The following EPHB1 variants were observed in gnomAD, a reference collection of about 807,000 sequenced individuals.
EPHB1 encodes the protein EPH receptor B1.
Under a neutral mutation model 94.4 loss-of-function variants are expected in EPHB1, and 30 were observed. The ratio of observed to expected loss-of-function variants is 0.32; its 90% CI spans 0.24 to 0.43. The LOEUF (loss-of-function observed/expected upper bound fraction) is 0.43. Ranked by LOEUF, EPHB1 falls within the 20% of genes least tolerant of loss-of-function variation. EPHB1 has a pLI of 1.00. For missense variants in EPHB1, 1,055 were observed against 1,308.3 expected (o/e 0.81, Z 2.99); for synonymous variants, 522 against 489.1 (o/e 1.07, Z -0.89).
chr3:134,851,364 C>T (rs770754235), intron 1 of EPHB1, among the ~76,000 whole-genome samples: 1 of 152,118 alleles, frequency 6.6e-6, no homozygotes, highest in Non-Finnish European at 1.5e-5. Context: ...CCCTTTGACC[C>T]GGATCCCCAT....
At chr3:135,237,938 G>A (rs1943694380) in intron 12 of EPHB1, among the ~76,000 whole-genome samples, 1 of 152,166 alleles carries the variant, frequency 6.6e-6, no homozygotes, top group African/African-American at 2.4e-5. Context: ...TGCTGCAGCA[G>A]GGTTCCACTT....
At chr3:135,229,132 C>T (rs1410975453) in intron 12 of EPHB1, among the ~76,000 whole-genome samples, 1 of 152,210 alleles carries the variant, frequency 6.6e-6, no homozygotes, top group Non-Finnish European at 1.5e-5. Context: ...GGCCATCCCT[C>T]ACCACCACCA....
chr3:134,869,674 T>A (rs2037457970), intron 1 of EPHB1, among the ~76,000 whole-genome samples: 1 of 152,182 alleles, frequency 6.6e-6, no homozygotes, highest in Non-Finnish European at 1.5e-5. Flanking sequence ...GAGTGCAAAC[T>A]CTACTAGATT....
intron 12 of EPHB1, among the ~76,000 whole-genome samples, chr3:135,240,591 C>T (rs1559887267): frequency 6.6e-6 from 1 of 152,182 alleles, no homozygotes; most frequent in Non-Finnish European, 1.5e-5. Context: ...TCAGGGCTAT[C>T]TGCATGCTAC....
intron 7 of EPHB1, among the ~76,000 whole-genome samples, chr3:135,162,719 C>T (rs1453245259): frequency 6.6e-6 from 1 of 152,180 alleles, no homozygotes; most frequent in Non-Finnish European, 1.5e-5. Flanking sequence ...AAGGTGTCCT[C>T]AAGGCCAGAA....
chr3:135,055,185 A>G (rs1199967004), intron 3 of EPHB1, among the ~76,000 whole-genome samples: 3 of 152,326 alleles, frequency 2.0e-5, no homozygotes, highest in Non-Finnish European at 1.5e-5. Flanking sequence ...GTATAATATC[A>G]TTTGCTAAAC....
chr3:135,040,417 T>G (rs1936795414), intron 3 of EPHB1, among the ~76,000 whole-genome samples: 1 of 152,220 alleles, frequency 6.6e-6, no homozygotes, highest in Admixed American at 6.5e-5. Context: ...CAGAGCAGCC[T>G]GGCTTGTCCT....
At chr3:134,978,035 A>T in intron 3 of EPHB1, 1 of 455,100 alleles carries the variant, frequency 2.2e-6, no homozygotes, top group Non-Finnish European at 4.4e-6. Flanking sequence ...TTTCTGCCAC[A>T]CTCACACAGC....
At chr3:135,169,717 T>C (rs1941750059) in intron 9 of EPHB1, among the ~76,000 whole-genome samples, 1 of 152,150 alleles carries the variant, frequency 6.6e-6, no homozygotes, top group Non-Finnish European at 1.5e-5. Flanking sequence ...ATTGGGAGTT[T>C]TATTCTGGCA....
chr3:135,159,861 T>G (rs1221989118), intron 6 of EPHB1, among the ~76,000 whole-genome samples: 1 of 152,272 alleles, frequency 6.6e-6, no homozygotes, highest in Non-Finnish European at 1.5e-5. Context: ...ACTTCAGATA[T>G]GCCAATTACT....
At chr3:134,859,571 G>T (rs1252383696) in intron 1 of EPHB1, among the ~76,000 whole-genome samples, 1 of 152,096 alleles carries the variant, frequency 6.6e-6, no homozygotes, top group Non-Finnish European at 1.5e-5. Context: ...TGAGCCTTCT[G>T]CTGGAACCTA....
In EPHB1 at chr3:135,201,655, A is replaced by T. The variant is rs1190542857; in HGVS notation, c.2312A>T (p.Asp771Val). The change falls in exon 12 of 16, where the codon GAT becomes GTT. Residue 771 changes from aspartate (D) to valine (V), a missense_variant. Asp to Val is a radical substitution (Grantham distance 152). Transcript: ENST00000398015. ...TTTGGCCTCTCCCGCTACCTCCAGG[A>T]TGACACCTCAGATCCCACCTACACC... is the stretch of plus-strand genomic sequence containing the variant. The part of the protein sequence containing the change: ...SDFGLSRYLQ[D>V]DTSDPTYTSS... 6.2e-7 allele frequency: 1 copy of T among 1,613,908 alleles called. No homozygotes were observed. Among genetic ancestry groups the T allele is most frequent in the South Asian group, 1.1e-5 (1 of 91,056 alleles).
intron 9 of EPHB1, among the ~76,000 whole-genome samples, chr3:135,172,897 C>G (rs575429542): frequency 6.6e-6 from 1 of 152,378 alleles, no homozygotes; most frequent in South Asian, 2.1e-4. Flanking sequence ...GTCCTGAGAT[C>G]ATCAGCTCCT....
chr3:135,205,455 G>T (rs1049870277), intron 12 of EPHB1, among the ~76,000 whole-genome samples: 4 of 152,054 alleles, frequency 2.6e-5, no homozygotes, highest in Non-Finnish European at 4.4e-5. Context: ...TCATGTAATA[G>T]CTATGTCTTC....
intron 7 of EPHB1, among the ~76,000 whole-genome samples, chr3:135,165,492 C>A (rs187515933): frequency 2.6e-5 from 4 of 152,354 alleles, no homozygotes; most frequent in Admixed American, 2.6e-4. Context: ...TTGTCCTCCA[C>A]AGTGCCTGGA....
chr3:134,992,563 A>G (rs1934850339), intron 3 of EPHB1, among the ~76,000 whole-genome samples: 1 of 152,228 alleles, frequency 6.6e-6, no homozygotes, highest in Non-Finnish European at 1.5e-5. Flanking sequence ...GAGCACAAGT[A>G]CAAGGTGATC....
In EPHB1 at chr3:135,108,067, G is replaced by A. The variant is rs767649115; in HGVS notation, c.961+1464G>A. On this transcript the variant is annotated intron_variant, in intron 4 of 15. Coordinates refer to ENST00000398015, the MANE Select transcript of EPHB1 (RefSeq NM_004441.5). ...CCAAAGACTAGTCTCCATGATTGCC[G>A]AAGTATACGCCCAGGGACTCACAGT... 1.8e-4 allele frequency among the ~76,000 whole-genome samples: 28 copies of A among 152,140 alleles called. 1 individual carries two copies. The highest frequency in any genetic ancestry group is 3.2e-4 in the Non-Finnish European group (22 of 68,034).
At chr3:135,258,743 G>A (rs1933521352) in intron 15 of EPHB1, among the ~76,000 whole-genome samples, 1 of 152,166 alleles carries the variant, frequency 6.6e-6, no homozygotes, top group South Asian at 2.1e-4. Flanking sequence ...TGAAGGGGCT[G>A]CCTTAGAGCC....
chr3:135,029,777 C>G (rs953481364), intron 3 of EPHB1, among the ~76,000 whole-genome samples: 10 of 151,962 alleles, frequency 6.6e-5, no homozygotes, highest in Non-Finnish European at 1.0e-4. Flanking sequence ...GCCTGCCTTG[C>G]GAGATTTGGG....
Sources: allele counts gnomAD v4.1 joint callset (sites outside exome capture counted in the v4.1 genomes callset), GRCh38; gene constraint gnomAD v4.1.1; transcripts MANE v1.5; gene names NCBI Gene and HGNC (gene_info 2026-07-23, HGNC 2026-07-21).